The following OAT variants were observed in gnomAD, a reference collection of about 807,000 sequenced individuals.
OAT encodes ornithine aminotransferase, mitochondrial.
Under a neutral mutation model 48.4 loss-of-function variants are expected in OAT, and 35 were observed. That is an observed-to-expected ratio of 0.72 (90% CI 0.55 to 0.96). The LOEUF is 0.96. OAT is among the 40% of genes least tolerant of loss of function. OAT has a pLI of 0.00. For synonymous variants in OAT, 182 were observed against 198.4 expected (o/e 0.92, Z 0.70); for missense variants, 438 against 537.9 (o/e 0.81, Z 1.84).
chr10:124,404,662 G>T (rs1013374382), intron 5 of OAT, among the ~76,000 whole-genome samples: 1 of 152,140 alleles, frequency 6.6e-6, no homozygotes, highest in Non-Finnish European at 1.5e-5. Flanking sequence ...TGAACACAAA[G>T]TGCTCCTCCA....
rs1951287119 is a variant in OAT at position 124,398,083 on chromosome 10, C to T, written c.1179G>A (p.Val393=). 2 of 1,614,080 alleles carry T rather than the reference C, an allele frequency of 1.2e-6. No individual in the cohort carries two copies. Among genetic ancestry groups the T allele is most frequent in the African/African-American group, 1.3e-5 (1 of 75,044 alleles). The change falls in exon 10 of 10, where the codon GTG becomes GTA. Residue 393 remains valine (V), a synonymous_variant. Coordinates refer to ENST00000368845, the MANE Select transcript of OAT (RefSeq NM_000274.4). ...GTCCATTATCTCGAAGTCGTAGACA[C>T]ACCTTCCAAGCATCCCAATCTAAAG... is the stretch of plus-strand genomic sequence containing the variant. ...KETKDWDAWK[V]CLRLRDNGLL... is the part of the protein sequence containing the mutation.
intron 4 of OAT, among the ~76,000 whole-genome samples, chr10:124,408,266 TTA>T (rs1951638371): frequency 6.7e-6 from 1 of 148,276 alleles, no homozygotes; most frequent in Non-Finnish European, 1.5e-5. Flanking sequence ...TATATGTTTT[TTA>T]TATATAAAAT....
chr10:124,408,313 GTGTGTATATA>G (rs1265357091), intron 4 of OAT, among the ~76,000 whole-genome samples: 4 of 60,928 alleles, frequency 6.6e-5, no homozygotes, highest in African/African-American at 3.3e-4. Flanking sequence ...GTGTGTGTGT[GTGTGTATATA>G]TATATATATA....
intron 9 of OAT, among the ~76,000 whole-genome samples, chr10:124,398,454 C>G (rs549677920): frequency 2.0e-5 from 3 of 151,390 alleles, no homozygotes; most frequent in Non-Finnish European, 2.9e-5. Context: ...CTGCAGTGAG[C>G]GGAGATCGCG....
intron 7 of OAT, 37 bp downstream of exon 7, chr10:124,402,890 G>C (rs768285498): frequency 1.2e-6 from 2 of 1,611,474 alleles, no homozygotes; most frequent in Admixed American, 1.7e-5. Flanking sequence ...TATTTTACAA[G>C]AGTAGGAAAT....
At chr10:124,413,267 TACACACACACACACACAC>T (rs58272470) in intron 1 of OAT, among the ~76,000 whole-genome samples, 1 of 134,576 alleles carries the variant, frequency 7.4e-6, no homozygotes, top group Non-Finnish European at 1.6e-5. Flanking sequence ...CATAAATACA[TACACACACACACACACAC>T]ACACACACAC....
At position 124,405,480 on chromosome 10, in the gene OAT, G is replaced by T. The variant is rs868567649; in HGVS notation, c.604C>A (p.Pro202Thr). 2 of 1,614,074 alleles carry T rather than the reference G, an allele frequency of 1.2e-6. No individual in the cohort carries two copies. The highest frequency in any genetic ancestry group is 1.7e-6 in the Non-Finnish European group (2 of 1,179,978). Residue 202 changes from proline (P) to threonine (T), a missense_variant, in exon 5 of 10, where the codon CCG (proline) becomes ACG (threonine). Coordinates refer to ENST00000368845, the MANE Select transcript of OAT (RefSeq NM_000274.4). ...TSYDGFGPFM[P>T]GFDIIPYNDL... ...TTATAGGGAATGATGTCGAATCCCG[G>T]CATAAATGGTCCAAAACCATCGTAA...
chr10:124,405,822 T>TA, intron 4 of OAT: 12 of 1,270,804 alleles, frequency 9.4e-6, no homozygotes, highest in Non-Finnish European at 1.2e-5. Context: ...CTGGAATATA[T>TA]AGCCCCTGAA....
intron 2 of OAT, among the ~76,000 whole-genome samples, chr10:124,409,408 T>C (rs1260405757): frequency 6.6e-6 from 1 of 151,830 alleles, no homozygotes; most frequent in South Asian, 2.1e-4. Context: ...TACAGAAAAA[T>C]GCTGGGCATG....
In OAT at chr10:124,401,742, G is replaced by A; in HGVS notation, c.998C>T (p.Ala333Val). 1 of 1,610,264 alleles carries A rather than the reference G, an allele frequency of 6.2e-7. No homozygotes were observed. Among genetic ancestry groups the A allele is most frequent in the African/African-American group, 1.3e-5 (1 of 74,946 alleles). Residue 333 changes from alanine (A) to valine (V), a missense_variant, in exon 8 of 10, where the codon GCC becomes GTC. Ala to Val is a moderately conservative substitution (Grantham distance 64, BLOSUM62 0). Transcript: ENST00000368845. ...AGTCTTTACCTCAAGGGCTGCGATG[G>A]CCACTCGGCAGCCTAGTGGATTGCC... ...YGGNPLGCRV[A>V]IAALEVLEEE...
chr10:124,410,667 G>A (rs1389238432), intron 2 of OAT, among the ~76,000 whole-genome samples: 3 of 152,086 alleles, frequency 2.0e-5, no homozygotes. Flanking sequence ...GCATGGTAAG[G>A]CACACCTGTA....
At chr10:124,398,423 G>A (rs945480996) in intron 9 of OAT, among the ~76,000 whole-genome samples, 28 of 151,878 alleles carry the variant, frequency 1.8e-4, no homozygotes, top group African/African-American at 5.1e-4. Context: ...CAGGAGAATC[G>A]CTTGAACCAG....
chr10:124,398,696 T>C (rs538177176), intron 9 of OAT, among the ~76,000 whole-genome samples: 22 of 149,790 alleles, frequency 1.5e-4, no homozygotes, highest in African/African-American at 3.4e-4. Flanking sequence ...GCTGCTGTAT[T>C]AATCACACAA....
In OAT at chr10:124,397,861, G is replaced by A. The variant is rs1403491146; in HGVS notation, c.*81C>T. ...TTGAAGACTCATGGGAGTGGAATGTGCCCACATTAGGAATAAAGCTTTTAC... is the reference window on the plus strand; with the variant it reads ...TTGAAGACTCATGGGAGTGGAATGTACCCACATTAGGAATAAAGCTTTTAC... On this transcript the variant is annotated 3_prime_UTR_variant, in exon 10 of 10. Coordinates refer to ENST00000368845, the MANE Select transcript of OAT (RefSeq NM_000274.4). 5.2e-6 allele frequency: 8 copies of A among 1,551,796 alleles called. No individual in the cohort carries two copies. The highest frequency in any genetic ancestry group is 7.1e-6 in the Non-Finnish European group (8 of 1,125,542).
At chr10:124,414,206 G>C (rs771251260) in intron 1 of OAT, 1 of 152,082 alleles carries the variant, frequency 6.6e-6, no homozygotes, top group Non-Finnish European at 1.5e-5. Flanking sequence ...CTCTTGATTC[G>C]AGCTGCCAAA....
chr10:124,403,915 A>G lies in OAT; in HGVS notation c.654T>C (p.Ala218=). ...ACGCAGCCACATTTGGATCCTGAAGAGCACGCTACAGAAGAAACAGGAATA... is the reference window on the plus strand; with the variant it reads ...ACGCAGCCACATTTGGATCCTGAAGGGCACGCTACAGAAGAAACAGGAATA... ...PYNDLPALER[A]LQDPNVAAFM... Residue 218 remains alanine, a synonymous_variant, in exon 6 of 10, where the codon GCT becomes GCC. Coordinates refer to ENST00000368845, the MANE Select transcript of OAT (RefSeq NM_000274.4). 6.2e-7 allele frequency: 1 copy of G among 1,614,126 alleles called. No homozygotes were observed. The highest frequency in any genetic ancestry group is 8.5e-7 in the Non-Finnish European group (1 of 1,179,974).
chr10:124,401,080 G>T lies in OAT; in HGVS notation c.1015-96C>A, dbSNP rs1018350093. On this transcript the variant is annotated intron_variant, in intron 8 of 9. Transcript: ENST00000368845. Reference sequence around the variant, plus strand: ...TGTAAACACAGGAAAAACATGACTAGATAAAATACCAGAGGAACTTAACTT... The same window carrying T: ...TGTAAACACAGGAAAAACATGACTATATAAAATACCAGAGGAACTTAACTT... 4.1e-5 allele frequency: 34 copies of T among 824,680 alleles called. No individual in the cohort carries two copies. The African/African-American group carries it at 5.7e-4, about 14-fold the overall frequency. 51.1% of individuals were successfully genotyped at this position (824,680 alleles called of 1,614,324 possible).
At chr10:124,403,519 G>A (rs935971835) in intron 6 of OAT, among the ~76,000 whole-genome samples, 7 of 152,202 alleles carry the variant, frequency 4.6e-5, no homozygotes, top group African/African-American at 1.7e-4. Context: ...GGCTCTTAGA[G>A]CAGCGAGGAA....
chr10:124,403,118 T>G, intron 6 of OAT, 63 bp from the exon 7 acceptor site: 1 of 1,569,476 alleles, frequency 6.4e-7, no homozygotes, highest in African/African-American at 1.3e-5. Flanking sequence ...AAAATAGCCA[T>G]CCTTATTTCA....
Sources: gnomAD v4.1 joint callset for allele counts (sites outside exome capture counted in the v4.1 genomes callset) on GRCh38, gnomAD v4.1.1 for gene constraint, MANE v1.5 for transcripts, NCBI Gene and HGNC (gene_info 2026-07-23, HGNC 2026-07-21) for gene names.